The following PARD3B variants were observed in gnomAD, a reference collection of about 807,000 sequenced individuals.
The protein encoded by PARD3B is par-3 family cell polarity regulator beta, also known as partitioning defective 3 homolog B.
In PARD3B, 103 loss-of-function variants were observed where a neutral mutation model predicts 130.2. The observed-to-expected ratio is 0.79, with a 90% confidence interval of 0.67 to 0.93. The LOEUF is 0.93. Among genes scored for constraint, PARD3B ranks in the 40% least tolerant of loss-of-function variants. PARD3B has a pLI of 0.00. For synonymous variants in PARD3B, 583 were observed against 553.2 expected (o/e 1.05, Z -0.76); for missense variants, 1,609 against 1,499.2 (o/e 1.07, Z -1.21).
chr2:205,146,827 G>C lies in PARD3B; in HGVS notation c.1435-11895G>C, dbSNP rs1273774456. On this transcript the variant is annotated intron_variant, in intron 10 of 22. Transcript: ENST00000406610. The surrounding 1 kb of genome is among the most constrained non-coding windows in gnomAD (Gnocchi z 4.3). ...AGTGCATCCTTCGCCTCCCGGGTTGGAGCGATTCTCCTGCCTCAGCTTCCT... is the reference window on the plus strand; with the variant it reads ...AGTGCATCCTTCGCCTCCCGGGTTGCAGCGATTCTCCTGCCTCAGCTTCCT... 1.3e-5 allele frequency among the ~76,000 whole-genome samples: 2 copies of C among 151,754 alleles called. No individual in the cohort carries two copies. The highest frequency in any genetic ancestry group is 6.6e-5 in the Admixed American group (1 of 15,238).
intron 2 of PARD3B, among the ~76,000 whole-genome samples, chr2:204,820,101 G>A (rs1466899336): frequency 6.8e-5 from 7 of 102,636 alleles, no homozygotes; most frequent in African/African-American, 2.3e-4. Flanking sequence ...TTGAGACGGA[G>A]TGTCACTCTT....
chr2:205,391,356 C>T (rs1411144250), intron 18 of PARD3B, among the ~76,000 whole-genome samples: 1 of 152,180 alleles, frequency 6.6e-6, no homozygotes, highest in African/African-American at 2.4e-5. Context: ...TATGCACATG[C>T]CATCAGTTGT....
intron 16 of PARD3B, among the ~76,000 whole-genome samples, chr2:205,264,879 A>G (rs534450402): frequency 1.3e-5 from 2 of 151,112 alleles, no homozygotes; most frequent in Admixed American, 6.6e-5. Context: ...ACACACATAC[A>G]TATAAATTAC....
intron 15 of PARD3B, among the ~76,000 whole-genome samples, chr2:205,243,373 G>A (rs934974249): frequency 6.6e-6 from 1 of 152,160 alleles, no homozygotes; most frequent in Non-Finnish European, 1.5e-5. Flanking sequence ...CCACAAACCT[G>A]TGGGGTAAGC....
rs189615478 is a variant in PARD3B, at chr2:204,594,641, C to T, written c.120+48522C>T. Among the ~76,000 whole-genome samples the T allele has an allele frequency of 5.8e-3, 886 of 152,322 alleles. 3 individuals are homozygous for T. The highest frequency in any genetic ancestry group is 1.0e-2 in the Non-Finnish European group (680 of 68,042). On this transcript the variant is annotated intron_variant, in intron 1 of 22. Coordinates refer to ENST00000406610, the MANE Select transcript of PARD3B (RefSeq NM_001302769.2). ...AGTTGACCGTAATTGCTAATCACCC[C>T]TTCTTCCCTTTGTCACTGAGTCCTG...
chr2:204,935,425 G>A (rs759904712), intron 2 of PARD3B, among the ~76,000 whole-genome samples: 1 of 150,896 alleles, frequency 6.6e-6, no homozygotes, highest in Non-Finnish European at 1.5e-5. Flanking sequence ...TGTAGTCCCA[G>A]CTACTCGGGA....
intron 2 of PARD3B, among the ~76,000 whole-genome samples, chr2:204,862,975 G>A (rs954473803): frequency 2.6e-5 from 4 of 152,246 alleles, no homozygotes; most frequent in Non-Finnish European, 5.9e-5. Flanking sequence ...TGCAAATGGC[G>A]CAAACCTCCG....
chr2:205,272,788 C>G (rs1418452713), intron 16 of PARD3B, among the ~76,000 whole-genome samples: 1 of 152,124 alleles, frequency 6.6e-6, no homozygotes. Context: ...TAATAGCTGT[C>G]CAAAAACTTA....
chr2:204,580,421 C>T (rs1329243527), intron 1 of PARD3B, among the ~76,000 whole-genome samples: 2 of 152,136 alleles, frequency 1.3e-5, no homozygotes, highest in African/African-American at 4.8e-5. Context: ...AGCTTCACCA[C>T]CTTTTTCTGA....
chr2:205,012,865 T>C (rs911410339), intron 3 of PARD3B, among the ~76,000 whole-genome samples: 2 of 152,236 alleles, frequency 1.3e-5, no homozygotes, highest in Admixed American at 6.5e-5. Flanking sequence ...GGGTAATTTA[T>C]TATACTGCGA....
intron 22 of PARD3B, among the ~76,000 whole-genome samples, chr2:205,602,730 A>G (rs1409877810): frequency 6.6e-6 from 1 of 151,880 alleles, no homozygotes; most frequent in East Asian, 1.9e-4. Flanking sequence ...TTATCATTTT[A>G]TATTGTTTCT....
intron 2 of PARD3B, among the ~76,000 whole-genome samples, chr2:204,742,775 G>A (rs570727761): frequency 6.6e-6 from 1 of 152,228 alleles, no homozygotes; most frequent in East Asian, 1.9e-4. Flanking sequence ...ATTCTACTTA[G>A]TACTGTAACA....
intron 2 of PARD3B, among the ~76,000 whole-genome samples, chr2:204,963,576 CAGAAAT>C (rs1285154820): frequency 6.6e-6 from 1 of 152,022 alleles, no homozygotes; most frequent in African/African-American, 2.4e-5. Flanking sequence ...TATTATATAA[CAGAAAT>C]AGTGATGAAA....
At chr2:205,144,307 A>G (rs1369287860) in intron 10 of PARD3B, among the ~76,000 whole-genome samples, 1 of 152,240 alleles carries the variant, frequency 6.6e-6, no homozygotes, top group Non-Finnish European at 1.5e-5. Context: ...AGCATATATC[A>G]GCCAAACCTC....
At chr2:205,519,083 T>C (rs2050919026) in intron 21 of PARD3B, among the ~76,000 whole-genome samples, 1 of 152,200 alleles carries the variant, frequency 6.6e-6, no homozygotes, top group African/African-American at 2.4e-5. Flanking sequence ...TTTTCTTATG[T>C]AGAATCTTGC....
At chr2:204,988,890 T>C (rs1396060442) in intron 3 of PARD3B, among the ~76,000 whole-genome samples, 1 of 152,200 alleles carries the variant, frequency 6.6e-6, no homozygotes, top group Non-Finnish European at 1.5e-5. Flanking sequence ...ATTAGATCTA[T>C]TTAACAATGA....
At chr2:205,251,876 TGTC>T (rs2039864992) in intron 16 of PARD3B, among the ~76,000 whole-genome samples, 1 of 152,192 alleles carries the variant, frequency 6.6e-6, no homozygotes, top group Non-Finnish European at 1.5e-5. Context: ...TCTAAGCTTT[TGTC>T]ATTTGTTTTG....
At chr2:204,778,747 G>T (rs973820151) in intron 2 of PARD3B, among the ~76,000 whole-genome samples, 2 of 152,040 alleles carry the variant, frequency 1.3e-5, no homozygotes, top group African/African-American at 4.8e-5. Context: ...AGTCCAAGCT[G>T]CCATCTCCTG....
chr2:204,569,991 AGT>A (rs1163560406), intron 1 of PARD3B, among the ~76,000 whole-genome samples: 4 of 152,198 alleles, frequency 2.6e-5, no homozygotes, highest in Admixed American at 2.0e-4. Context: ...AGATTTTGTA[AGT>A]GTGTGGCAAA....
Sources: gnomAD v4.1 joint callset for allele counts (sites outside exome capture counted in the v4.1 genomes callset) on GRCh38, gnomAD v4.1.1 for gene constraint, Gnocchi (gnomAD v3.1) non-coding constraint, MANE v1.5 for transcripts, NCBI Gene and HGNC (gene_info 2026-07-23, HGNC 2026-07-21) for gene names.